The following AGFG1 variants were observed in gnomAD, a reference collection of about 807,000 sequenced individuals.
AGFG1 encodes the protein arf-GAP domain and FG repeat-containing protein 1.
In AGFG1, 10 loss-of-function variants were observed where a neutral mutation model predicts 60.6. The ratio of observed to expected loss-of-function variants is 0.16; its 90% CI spans 0.10 to 0.28. The LOEUF (loss-of-function observed/expected upper bound fraction) is 0.28. AGFG1 is among the 10% of genes least tolerant of loss of function. The probability of loss-of-function intolerance (pLI) is 1.00; values close to 1 mark genes in which losing one functional copy is unlikely to be tolerated. For missense variants in AGFG1, 537 were observed against 676.5 expected (o/e 0.79, Z 2.29); for synonymous variants, 247 against 242.9 (o/e 1.02, Z -0.16).
intron 1 of AGFG1, among the ~76,000 whole-genome samples, chr2:227,480,959 A>G (rs1307170582): frequency 6.6e-6 from 1 of 152,122 alleles, no homozygotes; most frequent in Non-Finnish European, 1.5e-5. Flanking sequence ...GAGAAGTCTG[A>G]TGCTATTCTT....
In AGFG1 at chr2:227,518,516, C is replaced by CTTT. The variant is rs1222543055; in HGVS notation, c.262-1411_262-1409dup. On this transcript the variant is annotated intron_variant, in intron 2 of 12. Transcript: ENST00000310078. ...TGTCTGTCTTGTGGAGTCTCAGTGT[C>CTTT]TTTTTTTTTTTTTTTTTTTTTTTAA... 4.3e-3 allele frequency among the ~76,000 whole-genome samples: 438 copies of CTTT among 102,312 alleles called. 5 individuals are homozygous for CTTT. The highest frequency in any genetic ancestry group is 6.0e-3 in the Non-Finnish European group (301 of 50,116). 67.1% of individuals were successfully genotyped at this position (102,312 alleles called of 152,430 possible).
chr2:227,532,311 A>T, intron 6 of AGFG1: 1 of 818,752 alleles, frequency 1.2e-6, no homozygotes. Context: ...CTTTAGTGAT[A>T]ATCCTTCATA....
At chr2:227,539,758 A>G (rs957806134) in intron 10 of AGFG1, among the ~76,000 whole-genome samples, 1 of 151,618 alleles carries the variant, frequency 6.6e-6, no homozygotes. Context: ...AAAAAAAAAA[A>G]AAAAAAAAAA....
chr2:227,472,373 C>G lies in AGFG1; in HGVS notation c.-49C>G. On this transcript the variant is annotated 5_prime_UTR_variant, in exon 1 of 13. Transcript: ENST00000310078. ...GTGGGACCGCGGGCCCCCGGCGCAG[C>G]GCTGCCCGGCTCCCGGCCCTGCCGG... The G allele has an allele frequency of 1.6e-6, 2 of 1,225,808 alleles. No homozygotes were observed. The highest frequency in any genetic ancestry group is 1.6e-5 in the African/African-American group (1 of 61,702). The allele number at this position is 1,225,808 out of a possible 1,614,324, so 75.9% of individuals were successfully genotyped here.
Position 227,519,959 on chromosome 2 carries a change from G to C in AGFG1, c.273G>C (p.Gln91His). ...AATTCTTTCCAAAGGTCTGTAAACA[G>C]ATTTGGCTAGGATTATTTGATGATA... The part of the protein sequence containing the change: ...LQKHGNEVCK[Q>H]IWLGLFDDRS... The change falls in exon 3 of 13, where the codon CAG (glutamine) becomes CAC (histidine). Residue 91 changes from glutamine (Q) to histidine (H), a missense_variant. This residue lies in a region of AGFG1 where 120 missense variants were observed against 198.5 expected (regional missense o/e 0.60). Coordinates refer to ENST00000310078, the MANE Select transcript of AGFG1 (RefSeq NM_004504.5). 1 of 1,582,846 alleles carries C rather than the reference G, an allele frequency of 6.3e-7. No individual in the cohort carries two copies. Among genetic ancestry groups the C allele is most frequent in the African/African-American group, 1.4e-5 (1 of 72,416 alleles).
intron 2 of AGFG1, chr2:227,508,700 T>G: frequency 2.2e-6 from 1 of 446,490 alleles, no homozygotes; most frequent in Non-Finnish European, 4.5e-6. Flanking sequence ...TTTTTTTTTT[T>G]TCTTTTTAGG....
chr2:227,476,964 C>T (rs960906960), intron 1 of AGFG1, among the ~76,000 whole-genome samples: 9 of 149,076 alleles, frequency 6.0e-5, no homozygotes, highest in Non-Finnish European at 8.9e-5. Context: ...TGCAGTGGTA[C>T]GATCACGGCT....
Position 227,556,827 on chromosome 2 carries a change from C to G in AGFG1, c.*2332C>G, listed in dbSNP as rs1692982555. ...GTGAGAGCCTGTGAGTCCTAGCTAC[C>G]TGGAGGTGAGGTGGGAACATCACTT... On this transcript the variant is annotated 3_prime_UTR_variant, in exon 13 of 13. Coordinates refer to ENST00000310078, the MANE Select transcript of AGFG1 (RefSeq NM_004504.5). The G allele has an allele frequency of 6.6e-6, 1 of 151,986 alleles. No individual in the cohort carries two copies. Among genetic ancestry groups the G allele is most frequent in the Non-Finnish European group, 1.5e-5 (1 of 68,040 alleles). The allele number at this position is 151,986 out of a possible 1,614,324, so 9.4% of individuals were successfully genotyped here.
At position 227,553,514 on chromosome 2, in the gene AGFG1, G is replaced by C. The variant is rs766290435; in HGVS notation, c.1538-190G>C. 7.1e-3 allele frequency among the ~76,000 whole-genome samples: 1,069 copies of C among 150,542 alleles called. 17 individuals are homozygous for C. Among genetic ancestry groups the C allele is most frequent in the African/African-American group, 0.024 (1,008 of 41,204 alleles). On this transcript the variant is annotated intron_variant, in intron 11 of 12. Coordinates refer to ENST00000310078, the MANE Select transcript of AGFG1 (RefSeq NM_004504.5). ...ATGTCTCAAAAAAAAAAAAAAAAAG[G>C]TTATTTTAAGACATGCTACAGTAAG...
chr2:227,498,058 A>G (rs1012670860), intron 2 of AGFG1, among the ~76,000 whole-genome samples: 1 of 152,020 alleles, frequency 6.6e-6, no homozygotes, highest in African/African-American at 2.4e-5. Context: ...CATGAGGTTG[A>G]TTTGAAGGTA....
At chr2:227,538,205 AT>A (rs1249186744) in intron 10 of AGFG1, among the ~76,000 whole-genome samples, 1 of 152,172 alleles carries the variant, frequency 6.6e-6, no homozygotes, top group Non-Finnish European at 1.5e-5. Context: ...GTTTTTGTAC[AT>A]TGCCTCATTT....
At chr2:227,548,738 C>A (rs1248070238) in intron 10 of AGFG1, among the ~76,000 whole-genome samples, 2 of 152,118 alleles carry the variant, frequency 1.3e-5, no homozygotes, top group Non-Finnish European at 2.9e-5. Context: ...GAGATCGAGA[C>A]CATCCTGGCT....
chr2:227,480,119 A>G (rs910200472), intron 1 of AGFG1, among the ~76,000 whole-genome samples: 7 of 152,232 alleles, frequency 4.6e-5, no homozygotes, highest in African/African-American at 1.7e-4. Context: ...ATGGTAAGGA[A>G]GTTTGAAACT....
Position 227,555,340 on chromosome 2 carries a change from A to C in AGFG1, c.*845A>C, listed in dbSNP as rs560181749. On this transcript the variant is annotated 3_prime_UTR_variant, in exon 13 of 13. Coordinates refer to ENST00000310078, the MANE Select transcript of AGFG1 (RefSeq NM_004504.5). ...AGCTTGTCAGATTTACCATAATCCTACTAATTTCTTTGCAGCTTATTAATT... is the reference window on the plus strand; with the variant it reads ...AGCTTGTCAGATTTACCATAATCCTCCTAATTTCTTTGCAGCTTATTAATT... The C allele has an allele frequency of 3.3e-5, 5 of 152,696 alleles. No homozygotes were observed. The highest frequency in any genetic ancestry group is 1.2e-4 in the African/African-American group (5 of 41,576). 9.5% of individuals were successfully genotyped at this position (152,696 alleles called of 1,614,324 possible).
At chr2:227,524,367 A>G (rs1474654150) in intron 4 of AGFG1, among the ~76,000 whole-genome samples, 3 of 152,198 alleles carry the variant, frequency 2.0e-5, no homozygotes, top group Non-Finnish European at 1.5e-5. Context: ...GATCATTGAA[A>G]CACAAGGGAC....
chr2:227,489,223 G>GTTTTTTTT (rs55762248), intron 1 of AGFG1, among the ~76,000 whole-genome samples: 3 of 74,782 alleles, frequency 4.0e-5, no homozygotes, highest in African/African-American at 5.8e-5. Context: ...AGTTTTGAGA[G>GTTTTTTTT]TTTTTTTTTT....
chr2:227,473,841 A>C lies in AGFG1; in HGVS notation c.167+1253A>C, dbSNP rs1185729160. Among the ~76,000 whole-genome samples, 7 of 152,164 alleles carry C rather than the reference A, an allele frequency of 4.6e-5. No homozygotes were observed. In the East Asian group the frequency reaches 9.6e-4, roughly 21 times the overall value. On this transcript the variant is annotated intron_variant, in intron 1 of 12. Transcript: ENST00000310078. ...AAAGAGGCATTATTAGTATTACATGAGTGTTATTTCTTCAGCAGACATTTT... is the reference window on the plus strand; with the variant it reads ...AAAGAGGCATTATTAGTATTACATGCGTGTTATTTCTTCAGCAGACATTTT...
Position 227,530,603 on chromosome 2 carries a change from G to C in AGFG1, c.695-488G>C, listed in dbSNP as rs541317671. The stretch of plus-strand genomic sequence containing the variant: ...TTAAATTTTTATATATGACCATGGT[G>C]AGACATTTGTAAACTTAAAAAAAGC... On this transcript the variant is annotated intron_variant, in intron 5 of 12. Transcript: ENST00000310078. Among the ~76,000 whole-genome samples, 7 of 151,870 alleles carry C rather than the reference G, an allele frequency of 4.6e-5. No individual in the cohort carries two copies. The East Asian group carries it at 1.4e-3, about 29-fold the overall frequency.
At chr2:227,498,769 G>T (rs955550675) in intron 2 of AGFG1, among the ~76,000 whole-genome samples, 5 of 152,160 alleles carry the variant, frequency 3.3e-5, no homozygotes, top group Non-Finnish European at 5.9e-5. Context: ...GATGTTGTTT[G>T]TAACTACTCT....
Sources: gnomAD v4.1 joint callset for allele counts (sites outside exome capture counted in the v4.1 genomes callset) on GRCh38, gnomAD v4.1.1 for gene constraint, gnomAD v4.1.1 regional missense constraint, MANE v1.5 for transcripts, NCBI Gene and HGNC (gene_info 2026-07-23, HGNC 2026-07-21) for gene names.